Variants in CPZ observed in about 807,000 individuals in gnomAD.
CPZ encodes VEZT/CPZ fusion.
A neutral mutation model predicts 61.8 loss-of-function variants in CPZ; 103 were observed. The observed-to-expected ratio is 1.67, with a 90% CI of 1.42 to 1.96. CPZ has a LOEUF of 1.96. CPZ is among the 30% of genes most tolerant of loss of function. The pLI is 0.00. For missense variants in CPZ, 1,461 were observed against 914.9 expected, an observed-to-expected ratio of 1.60 and a Z score of -7.70; for synonymous variants, 551 against 373.7, an observed-to-expected ratio of 1.47 and a Z score of -5.47.
chr4:8,613,506 G>A (rs1715889599), intron 8 of CPZ, among the ~76,000 whole-genome samples: 1 of 152,218 alleles, frequency 6.6e-6, no homozygotes. Flanking sequence ...CAGAGAGACG[G>A]TGACTGTGGC....
Position 8,619,350 on chromosome 4 carries a change from A to T in CPZ, c.1692A>T (p.Lys564Asn). ...CTGGCTACGCCAAAGTCATCAAGAA[A>T]GTCATCATCCCCGCCCGGATGAAGA... ...QAPGYAKVIKKVIIPARMKRA... is the reference protein window; with the variant it reads ...QAPGYAKVIKNVIIPARMKRA... Residue 564 changes from lysine (K) to asparagine (N), a missense_variant, in exon 11 of 11, where the codon AAA becomes AAT. Lys to Asn is a moderately conservative substitution (Grantham distance 94, BLOSUM62 0). Transcript: ENST00000360986. 1 of 1,614,196 alleles carries T rather than the reference A, an allele frequency of 6.2e-7. No individual in the cohort carries two copies. The highest frequency in any genetic ancestry group is 8.5e-7 in the Non-Finnish European group (1 of 1,180,008).
At chr4:8,609,148 C>CCCTTCCT (rs1715358977) in intron 7 of CPZ, among the ~76,000 whole-genome samples, 45 of 116,772 alleles carry the variant, frequency 3.9e-4, no homozygotes, top group African/African-American at 6.0e-4. Context: ...ACTCATTCAC[C>CCCTTCCT]CACTCCCTCA....
intron 3 of CPZ, chr4:8,603,157 A>AG (rs1714698456): frequency 1.3e-5 from 2 of 152,258 alleles, no homozygotes; most frequent in South Asian, 4.1e-4. Flanking sequence ...GGAGAAGCTT[A>AG]GAGGAGCACA....
intron 3 of CPZ, chr4:8,603,115 C>T (rs1409584905): frequency 6.6e-6 from 1 of 152,250 alleles, no homozygotes; most frequent in African/African-American, 2.4e-5. Context: ...CCCTGGAGAA[C>T]CGTTTTGAGC....
intron 9 of CPZ, among the ~76,000 whole-genome samples, chr4:8,616,562 TC>T (rs1196274768): frequency 2.6e-5 from 4 of 152,082 alleles, no homozygotes; most frequent in African/African-American, 9.7e-5. Flanking sequence ...AGGGAGGGCT[TC>T]CTGGAGGAGG....
intron 9 of CPZ, among the ~76,000 whole-genome samples, chr4:8,617,523 A>C (rs1716280021): frequency 1.3e-5 from 2 of 152,232 alleles, no homozygotes; most frequent in Admixed American, 6.5e-5. Context: ...ATATATAGGA[A>C]AACAGTCTCT....
At chr4:8,614,321 C>G in intron 8 of CPZ, 38 bp from the exon 9 acceptor site, 1 of 1,597,176 alleles carries the variant, frequency 6.3e-7, no homozygotes, top group Non-Finnish European at 8.5e-7. Flanking sequence ...CTCTGTGCGG[C>G]TGACACCCCT....
intron 8 of CPZ, 39 bp downstream of exon 8, chr4:8,612,201 G>T: frequency 2.9e-6 from 1 of 345,390 alleles, no homozygotes; most frequent in Non-Finnish European, 4.8e-6. Context: ...GGGGGGTGGG[G>T]GGTGCAGGGG....
intron 7 of CPZ, among the ~76,000 whole-genome samples, chr4:8,609,815 G>C (rs921004286): frequency 6.6e-6 from 1 of 152,200 alleles, no homozygotes; most frequent in Non-Finnish European, 1.5e-5. Context: ...GCAGCCCTGT[G>C]GCCGGCAGTG....
intron 4 of CPZ, 104 bp from the exon 5 acceptor site, chr4:8,605,885 T>C: frequency 9.0e-6 from 10 of 1,115,896 alleles, no homozygotes; most frequent in Non-Finnish European, 1.3e-5. Context: ...CAAGTATGAA[T>C]TGGTCCCAGC....
chr4:8,599,370 C>T (rs781254529), intron 1 of CPZ, 83 bp from the exon 2 acceptor site: 6 of 1,480,802 alleles, frequency 4.1e-6, no homozygotes, highest in Non-Finnish European at 5.4e-6. Context: ...TCCCTACCTG[C>T]ACTCAGGGCC....
In CPZ at chr4:8,609,230, A is replaced by AC. The variant is rs1277994379; in HGVS notation, c.1227+1805_1227+1806insC. Among the ~76,000 whole-genome samples the AC allele has an allele frequency of 4.4e-3, 622 of 142,582 alleles. 11 individuals are homozygous for AC. The highest frequency in any genetic ancestry group is 0.015 in the African/African-American group (551 of 35,566). The allele number at this position is 142,582 out of a possible 152,430, so 93.5% of individuals were successfully genotyped here. ...CACTTACTCATTCACTTACTCACTC[A>AC]TTGTCACTCATTCACTCATCACTCA... On this transcript the variant is annotated intron_variant, in intron 7 of 10. Coordinates refer to ENST00000360986, the MANE Select transcript of CPZ (RefSeq NM_001014447.3).
chr4:8,604,329 A>C, intron 4 of CPZ, 141 bp downstream of exon 4: 2 of 714,110 alleles, frequency 2.8e-6, no homozygotes, highest in Non-Finnish European at 2.2e-6. Context: ...GGTGCAGGCC[A>C]CGTCCCGCTG....
chr4:8,595,985 C>T (rs1463798420), intron 1 of CPZ, among the ~76,000 whole-genome samples: 1 of 151,228 alleles, frequency 6.6e-6, no homozygotes, highest in African/African-American at 2.4e-5. Flanking sequence ...TCCCTTAGAG[C>T]CTTGACAGGG....
In CPZ at chr4:8,610,591, T is replaced by G. The variant is rs1358617833; in HGVS notation, c.1228-1436T>G. On this transcript the variant is annotated intron_variant, in intron 7 of 10. Transcript: ENST00000360986. ...CTGACGGATAAAGGCAGGTCAGAGG[T>G]GGGACACAGGTAGAATGTAGCAGAT... 5.3e-5 allele frequency among the ~76,000 whole-genome samples: 8 copies of G among 152,162 alleles called. No homozygotes were observed. In the East Asian group the frequency reaches 1.2e-3, roughly 22 times the overall value.
At chr4:8,614,302 C>G in intron 8 of CPZ, 57 bp from the exon 9 acceptor site, 1 of 1,577,256 alleles carries the variant, frequency 6.3e-7, no homozygotes, top group Non-Finnish European at 8.6e-7. Flanking sequence ...CCCCTGACGT[C>G]CCGGCTGTCT....
intron 7 of CPZ, 85 bp downstream of exon 7, chr4:8,607,510 A>C: frequency 2.0e-6 from 3 of 1,480,292 alleles, no homozygotes; most frequent in Non-Finnish European, 2.7e-6. Flanking sequence ...TCCTGAGCTC[A>C]GTGAAGGCAA....
At chr4:8,614,651 C>T (rs138770625) in intron 9 of CPZ, among the ~76,000 whole-genome samples, 153 bp downstream of exon 9, 1 of 152,340 alleles carries the variant, frequency 6.6e-6, no homozygotes, top group East Asian at 1.9e-4. Flanking sequence ...GTCCACCATG[C>T]ACAACTTGAG....
chr4:8,593,920 C>T (rs142407657), intron 1 of CPZ, among the ~76,000 whole-genome samples: 3 of 152,320 alleles, frequency 2.0e-5, no homozygotes, highest in African/African-American at 7.2e-5. Flanking sequence ...TGGGGTGCTG[C>T]TGGAGCTTGT....
Sources: gnomAD v4.1 joint callset for allele counts (sites outside exome capture counted in the v4.1 genomes callset) on GRCh38, gnomAD v4.1.1 for gene constraint, MANE v1.5 for transcripts, NCBI Gene and HGNC (gene_info 2026-07-23, HGNC 2026-07-21) for gene names.